The following PLEKHA1 variants were observed in gnomAD, a reference collection of about 807,000 sequenced individuals.
PLEKHA1 encodes pleckstrin homology domain-containing family A member 1.
In PLEKHA1, 34 loss-of-function variants were observed where a neutral mutation model predicts 52.0. That is an observed-to-expected ratio of 0.65 (90% CI 0.50 to 0.87). PLEKHA1 has a LOEUF of 0.87. PLEKHA1 is among the 40% of genes least tolerant of loss of function. The pLI, the probability that PLEKHA1 is intolerant of heterozygous loss-of-function variation, is 0.00. For missense variants in PLEKHA1, 497 were observed against 504.2 expected (o/e 0.99, Z 0.14); for synonymous variants, 163 against 170.7 (o/e 0.95, Z 0.35).
chr10:122,425,128 T>A, intron 10 of PLEKHA1, 169 bp downstream of exon 10: 1 of 454,572 alleles, frequency 2.2e-6, no homozygotes. Context: ...GGTGGGGTTA[T>A]ATGTTCAGGA....
chr10:122,412,727 A>T (rs920401763), intron 5 of PLEKHA1, 193 bp from the exon 6 acceptor site: 1 of 595,824 alleles, frequency 1.7e-6, no homozygotes, highest in Admixed American at 3.0e-5. Flanking sequence ...TCATTACGTG[A>T]TAGCTATATT....
intron 8 of PLEKHA1, chr10:122,421,407 C>T (rs1425942813): frequency 2.6e-5 from 4 of 152,154 alleles, no homozygotes; most frequent in African/African-American, 9.7e-5. Context: ...AAATATTTGA[C>T]AAGCAGATGG....
At chr10:122,389,756 C>T (rs948232319) in intron 1 of PLEKHA1, among the ~76,000 whole-genome samples, 1 of 152,146 alleles carries the variant, frequency 6.6e-6, no homozygotes, top group Admixed American at 6.5e-5. Context: ...GGTGTGCTGT[C>T]ATCCAGATTT....
chr10:122,390,323 C>T (rs958008783), intron 1 of PLEKHA1, among the ~76,000 whole-genome samples: 2 of 152,308 alleles, frequency 1.3e-5, no homozygotes, highest in East Asian at 3.9e-4. Context: ...TTTCACTTAC[C>T]ATTCTTGTGT....
chr10:122,429,067 A>G (rs935197444), intron 11 of PLEKHA1, among the ~76,000 whole-genome samples: 7 of 152,216 alleles, frequency 4.6e-5, no homozygotes, highest in African/African-American at 1.7e-4. Flanking sequence ...AGACTGTGCT[A>G]TTATTGGTTG....
At chr10:122,421,874 C>T (rs1268901552) in intron 8 of PLEKHA1, 1 of 111,032 alleles carries the variant, frequency 9.0e-6, no homozygotes, top group Non-Finnish European at 1.7e-5. Context: ...CCAAAAGCAA[C>T]TGTAAATGCC....
intron 7 of PLEKHA1, 44 bp from the exon 8 acceptor site, chr10:122,417,856 A>C (rs777706859): frequency 6.8e-6 from 10 of 1,479,008 alleles, no homozygotes; most frequent in East Asian, 4.5e-5. Context: ...AACATTTGAC[A>C]TTCTTAGAAA....
At chr10:122,386,025 C>T (rs778483221) in intron 1 of PLEKHA1, among the ~76,000 whole-genome samples, 2 of 152,262 alleles carry the variant, frequency 1.3e-5, no homozygotes, top group East Asian at 3.9e-4. Flanking sequence ...CCGGGTTGTT[C>T]GCTAAGGATC....
chr10:122,400,437 C>T, intron 4 of PLEKHA1, 49 bp downstream of exon 4: 1 of 1,499,054 alleles, frequency 6.7e-7, no homozygotes, highest in Non-Finnish European at 9.0e-7. Flanking sequence ...ATAATTGTAT[C>T]ATATTGTAAA....
At chr10:122,378,648 A>T (rs947944367) in intron 1 of PLEKHA1, among the ~76,000 whole-genome samples, 9 of 151,134 alleles carry the variant, frequency 6.0e-5, no homozygotes, top group African/African-American at 2.2e-4. Flanking sequence ...TTGTAGGAGG[A>T]TCCCTTGAGC....
intron 1 of PLEKHA1, among the ~76,000 whole-genome samples, chr10:122,377,878 A>G (rs755586600): frequency 1.3e-5 from 2 of 152,166 alleles, no homozygotes; most frequent in African/African-American, 2.4e-5. Context: ...TTGGGATTTT[A>G]TAAGCTTTCT....
At chr10:122,420,885 T>TG in intron 8 of PLEKHA1, 1 of 152,250 alleles carries the variant, frequency 6.6e-6, no homozygotes, top group African/African-American at 2.4e-5. Flanking sequence ...GGCATCCACA[T>TG]GGGGAGGGGT....
At chr10:122,432,949 T>G (rs1001682624), downstream of PLEKHA1, 1 of 152,220 alleles carries the variant, frequency 6.6e-6, no homozygotes, top group South Asian at 2.1e-4. Flanking sequence ...TAGAGAAAAG[T>G]GTATACCTAT....
At chr10:122,441,842 G>C in the PLEKHA1 span, 3 of 152,176 alleles carry the variant, frequency 2.0e-5, no homozygotes, top group Non-Finnish European at 4.4e-5. Context: ...TTGAGTTCTA[G>C]AATAGCCTTT....
chr10:122,437,028 C>T (rs2097440865), downstream of PLEKHA1: 1 of 96,836 alleles, frequency 1.0e-5, no homozygotes, highest in Admixed American at 1.4e-4. Context: ...GTCTTTGGTA[C>T]CTTATCTTCA....
At chr10:122,385,106 A>T (rs2096670372) in intron 1 of PLEKHA1, among the ~76,000 whole-genome samples, 1 of 152,116 alleles carries the variant, frequency 6.6e-6, no homozygotes, top group Admixed American at 6.5e-5. Context: ...TAACTCTGAG[A>T]AGTATCCTCA....
chr10:122,429,738 A>G lies in PLEKHA1; in HGVS notation c.1015A>G (p.Met339Val), dbSNP rs774511164. The G allele has an allele frequency of 6.2e-7, 1 of 1,614,126 alleles. No homozygotes were observed. Among genetic ancestry groups the G allele is most frequent in the South Asian group, 1.1e-5 (1 of 91,078 alleles). Reference sequence around the variant, plus strand: ...CAACTCTTTGGTCTCAACCTTTACCATGGAGAAGCGAGGATTTTACGAGTC... The same window carrying G: ...CAACTCTTTGGTCTCAACCTTTACCGTGGAGAAGCGAGGATTTTACGAGTC... Reference protein sequence around the residue: ...RSNSLVSTFTMEKRGFYESLA... With the variant: ...RSNSLVSTFTVEKRGFYESLA... Residue 339 changes from methionine to valine, a missense_variant, in exon 12 of 12, where the codon ATG (methionine) becomes GTG (valine). By Grantham distance (21) the Met-to-Val change is conservative. Coordinates refer to ENST00000368990, the MANE Select transcript of PLEKHA1 (RefSeq NM_001001974.4).
chr10:122,442,472 A>C, the PLEKHA1 span: 5 of 152,194 alleles, frequency 3.3e-5, no homozygotes, highest in African/African-American at 1.2e-4. Context: ...CAGTGATTAT[A>C]CTTCCAAGTC....
chr10:122,396,507 A>T (rs2096851261), intron 2 of PLEKHA1, among the ~76,000 whole-genome samples: 1 of 152,116 alleles, frequency 6.6e-6, no homozygotes. Context: ...GCAGAACATA[A>T]TTAATGGAGT....
Sources: gnomAD v4.1 joint callset for allele counts (sites outside exome capture counted in the v4.1 genomes callset) on GRCh38, gnomAD v4.1.1 for gene constraint, MANE v1.5 for transcripts, NCBI Gene and HGNC (gene_info 2026-07-23, HGNC 2026-07-21) for gene names.